CERS4: variants seen among roughly 807,000 people sequenced by gnomAD.
CERS4 encodes ceramide synthase 4, also known as LAG1 homolog, ceramide synthase 4.
CERS4 carries 65 observed loss-of-function variants against 51.8 expected under a neutral mutation model. The ratio of observed to expected loss-of-function variants is 1.26; its 90% CI spans 1.03 to 1.54. The LOEUF (loss-of-function observed/expected upper bound fraction) is 1.54, where lower values mean the gene tolerates loss of function less well. CERS4 is among the 40% of genes most tolerant of loss of function. CERS4 has a pLI of 0.00. For synonymous variants in CERS4, 228 were observed against 208.4 expected, an observed-to-expected ratio of 1.09 and a Z score of -0.81; for missense variants, 563 against 500.4, an observed-to-expected ratio of 1.13 and a Z score of -1.19.
intron 2 of CERS4, among the ~76,000 whole-genome samples, chr19:8,218,753 C>T (rs1461710511): frequency 2.6e-5 from 4 of 152,180 alleles, no homozygotes; most frequent in African/African-American, 4.8e-5. Context: ...TCCAGTTACA[C>T]AAACACCTCC....
At chr19:8,249,850 A>G (rs1049999062) in intron 2 of CERS4, among the ~76,000 whole-genome samples, 20 of 151,136 alleles carry the variant, frequency 1.3e-4, no homozygotes, top group African/African-American at 4.9e-4. Flanking sequence ...CGGCCTCCCA[A>G]AGTGCTGGGA....
chr19:8,259,296 G>T (rs1230056634), intron 10 of CERS4, among the ~76,000 whole-genome samples: 1 of 152,158 alleles, frequency 6.6e-6, no homozygotes, highest in African/African-American at 2.4e-5. Flanking sequence ...TCCAGGCAGA[G>T]AATAGCATGT....
rs541482227 is a variant in CERS4 at position 8,230,490 on chromosome 19, A to G, written c.-2+19628A>G. ...CAGGCGGGAGCCACTGTGCCCAGCC[A>G]TAAGTTAGATCTTTTGATATCATCC... On this transcript the variant is annotated intron_variant, in intron 2 of 11. Coordinates refer to ENST00000251363, the MANE Select transcript of CERS4 (RefSeq NM_024552.3). 1.2e-3 allele frequency among the ~76,000 whole-genome samples: 181 copies of G among 152,236 alleles called. 6 individuals carry two copies. In the South Asian group the frequency reaches 0.037, roughly 31 times the overall value.
At position 8,257,939 on chromosome 19, in the gene CERS4, T is replaced by A. The variant is rs1315149209; in HGVS notation, c.802T>A (p.Phe268Ile). 1.9e-6 allele frequency: 3 copies of A among 1,614,096 alleles called. No homozygotes were observed. Among genetic ancestry groups the A allele is most frequent in the South Asian group, 1.1e-5 (1 of 91,084 alleles). Reference sequence around the variant, plus strand: ...AGTGTGCGACGCTCTCTTCCTCATCTTCTCCTTTGTCTTCTTCTACACCCG... The same window carrying A: ...AGTGTGCGACGCTCTCTTCCTCATCATCTCCTTTGTCTTCTTCTACACCCG... ...QQVCDALFLI[F>I]SFVFFYTRLV... The change falls in exon 10 of 12, where the codon TTC (phenylalanine) becomes ATC (isoleucine). Residue 268 changes from phenylalanine (F) to isoleucine (I), a missense_variant. By Grantham distance (21) the Phe-to-Ile change is conservative (BLOSUM62 0). Coordinates refer to ENST00000251363, the MANE Select transcript of CERS4 (RefSeq NM_024552.3).
intron 2 of CERS4, among the ~76,000 whole-genome samples, chr19:8,215,305 CCT>C (rs1967252247): frequency 6.6e-6 from 1 of 151,992 alleles, no homozygotes; most frequent in Non-Finnish European, 1.5e-5. Flanking sequence ...ATGGCGAAAC[CCT>C]GTCTCTACTA....
intron 3 of CERS4, among the ~76,000 whole-genome samples, chr19:8,251,741 T>C (rs575649118): frequency 1.3e-5 from 2 of 150,398 alleles, no homozygotes; most frequent in South Asian, 2.1e-4. Context: ...GAGGTGGAGG[T>C]TGCAGTGAGC....
intron 2 of CERS4, among the ~76,000 whole-genome samples, chr19:8,239,120 G>T (rs181943498): frequency 7.0e-4 from 106 of 151,772 alleles, no homozygotes; most frequent in African/African-American, 2.5e-3. Flanking sequence ...GAAAAATTGT[G>T]GCCAGGTGTG....
At chr19:8,215,757 G>T (rs561063682) in intron 2 of CERS4, among the ~76,000 whole-genome samples, 4 of 152,170 alleles carry the variant, frequency 2.6e-5, no homozygotes, top group Non-Finnish European at 5.9e-5. Context: ...CTGGGAGGGG[G>T]CATCCCTTGT....
Position 8,261,757 on chromosome 19 carries a change from C to T in CERS4, c.918C>T (p.Asn306=), listed in dbSNP as rs527506778. 17 of 1,614,156 alleles carry T rather than the reference C, an allele frequency of 1.1e-5. No homozygotes were observed. The East Asian group carries it at 1.1e-4, about 11-fold the overall frequency. Residue 306 remains asparagine (N), a synonymous_variant, in exon 11 of 12, where the codon AAC becomes AAT. Transcript: ENST00000251363. ...CCTTCTTCGGCTACTACTTCTTCAA[C>T]GGGCTTCTGATGTTGCTGCAGCTGC... ...RGPFFGYYFF[N]GLLMLLQLLH...
Position 8,261,765 on chromosome 19 carries a change from T to C in CERS4, c.926T>C (p.Leu309Pro). The C allele has an allele frequency of 6.2e-7, 1 of 1,614,156 alleles. No homozygotes were observed. Among genetic ancestry groups the C allele is most frequent in the Non-Finnish European group, 8.5e-7 (1 of 1,180,020 alleles). ...FFGYYFFNGL[L>P]MLLQLLHVFW... is the part of the protein sequence containing the mutation. ...GGCTACTACTTCTTCAACGGGCTTCTGATGTTGCTGCAGCTGCTGCACGTG... is the reference window on the plus strand; with the variant it reads ...GGCTACTACTTCTTCAACGGGCTTCCGATGTTGCTGCAGCTGCTGCACGTG... The change falls in exon 11 of 12, where the codon CTG becomes CCG. Residue 309 changes from leucine (L) to proline (P), a missense_variant. Transcript: ENST00000251363.
intron 3 of CERS4, among the ~76,000 whole-genome samples, 165 bp from the exon 4 acceptor site, chr19:8,254,334 A>AAAAAAAAAAG: frequency 6.7e-6 from 1 of 149,090 alleles, no homozygotes; most frequent in Non-Finnish European, 1.5e-5. Context: ...AAAAAAAAAA[A>AAAAAAAAAAG]AAAAAAAAGT....
At chr19:8,245,129 A>AAAAAAAAAAAAAAAAAAAAAAAAC (rs1327716311) in intron 2 of CERS4, among the ~76,000 whole-genome samples, 1 of 148,658 alleles carries the variant, frequency 6.7e-6, no homozygotes, top group African/African-American at 2.5e-5. Context: ...AAAAAAAAAA[A>AAAAAAAAAAAAAAAAAAAAAAAAC]AAAAAACACT....
chr19:8,260,171 TG>T (rs758740499), intron 10 of CERS4, among the ~76,000 whole-genome samples: 1 of 151,606 alleles, frequency 6.6e-6, no homozygotes, highest in Non-Finnish European at 1.5e-5. Flanking sequence ...TACAGCTGAT[TG>T]GGGGGTAGGA....
intron 2 of CERS4, among the ~76,000 whole-genome samples, chr19:8,234,542 ATTTTTTTTTT>A (rs35971828): frequency 1.7e-4 from 9 of 54,164 alleles, no homozygotes; most frequent in East Asian, 6.6e-4. Context: ...CCACCATTCT[ATTTTTTTTTT>A]TTTTTTTTTT....
intron 6 of CERS4, 39 bp downstream of exon 6, chr19:8,255,918 C>T (rs1969355235): frequency 6.2e-7 from 1 of 1,605,078 alleles, no homozygotes; most frequent in Non-Finnish European, 8.5e-7. Flanking sequence ...TCACCTGCCC[C>T]ATCCACCTGG....
intron 2 of CERS4, among the ~76,000 whole-genome samples, chr19:8,221,872 G>T (rs796851649): frequency 0.042 from 1,641 of 39,190 alleles, 49 homozygotes; most frequent in African/African-American, 0.12. Flanking sequence ...ATTTTTTTAT[G>T]TTTTTTTTTT....
intron 2 of CERS4, among the ~76,000 whole-genome samples, chr19:8,221,949 G>A (rs558326629): frequency 1.5e-4 from 17 of 115,616 alleles, no homozygotes; most frequent in African/African-American, 5.3e-4. Context: ...TGGCATGATC[G>A]TGGCTCACTG....
chr19:8,224,862 ACT>A (rs1215202496), intron 2 of CERS4, among the ~76,000 whole-genome samples: 1 of 151,806 alleles, frequency 6.6e-6, no homozygotes, highest in Admixed American at 6.6e-5. Context: ...GTCAGAGATG[ACT>A]CTCAGAATTT....
chr19:8,228,096 A>G (rs916455248), intron 2 of CERS4, among the ~76,000 whole-genome samples: 1 of 152,046 alleles, frequency 6.6e-6, no homozygotes, highest in African/African-American at 2.4e-5. Flanking sequence ...TCTTGACCTC[A>G]TGATCCGTCC....
Sources: gnomAD v4.1 joint callset for allele counts (sites outside exome capture counted in the v4.1 genomes callset) on GRCh38, gnomAD v4.1.1 for gene constraint, MANE v1.5 for transcripts, NCBI Gene and HGNC (gene_info 2026-07-23, HGNC 2026-07-21) for gene names.